The following SH3BGRL2 variants were observed in gnomAD, a reference collection of about 807,000 sequenced individuals.
SH3BGRL2 encodes SH3 domain-binding glutamic acid-rich-like protein 2.
SH3BGRL2 carries 21 observed loss-of-function variants against 14.8 expected under a neutral mutation model. The observed-to-expected ratio is 1.42, with a 90% CI of 1.01 to 2.05. The LOEUF (loss-of-function observed/expected upper bound fraction) is 2.05. SH3BGRL2 is among the 30% of genes most tolerant of loss of function. SH3BGRL2 has a pLI of 0.00. For synonymous variants in SH3BGRL2, 50 were observed against 47.8 expected (o/e 1.05, Z -0.19); for missense variants, 147 against 130.8 (o/e 1.12, Z -0.61).
chr6:79,602,373 CAA>C, the SH3BGRL2 span, among the ~76,000 whole-genome samples: 10 of 152,106 alleles, frequency 6.6e-5, no homozygotes, highest in South Asian at 8.3e-4. Flanking sequence ...ATTCTAAAAA[CAA>C]GAGATAAAAT....
At chr6:79,546,957 G>A in the SH3BGRL2 span, among the ~76,000 whole-genome samples, 1 of 152,188 alleles carries the variant, frequency 6.6e-6, no homozygotes, top group African/African-American at 2.4e-5. Context: ...TGGGACCACA[G>A]GCGTGAGCCA....
chr6:79,600,474 CTG>C, the SH3BGRL2 span, among the ~76,000 whole-genome samples: 1 of 152,136 alleles, frequency 6.6e-6, no homozygotes, highest in East Asian at 1.9e-4. Flanking sequence ...GCATGGGACT[CTG>C]TGTGGTGAAG....
At chr6:79,540,276 T>C in the SH3BGRL2 span, among the ~76,000 whole-genome samples, 3 of 151,592 alleles carry the variant, frequency 2.0e-5, no homozygotes, top group Non-Finnish European at 4.4e-5. Context: ...CTAATAAAAA[T>C]ACAAAAAAAT....
chr6:79,675,434 A>G (rs548434975), intron 2 of SH3BGRL2, among the ~76,000 whole-genome samples: 41 of 152,260 alleles, frequency 2.7e-4, no homozygotes, highest in African/African-American at 9.4e-4. Flanking sequence ...GTGAATTACT[A>G]TGGTATGAGC....
chr6:79,603,914 C>T, the SH3BGRL2 span, among the ~76,000 whole-genome samples: 2 of 152,128 alleles, frequency 1.3e-5, no homozygotes, highest in African/African-American at 2.4e-5. Context: ...AAGCAATTCT[C>T]CTGCCTCACC....
the SH3BGRL2 span, among the ~76,000 whole-genome samples, chr6:79,570,696 G>C: frequency 2.6e-5 from 4 of 152,188 alleles, no homozygotes; most frequent in Non-Finnish European, 5.9e-5. Flanking sequence ...TGAAGGCAAT[G>C]TTCCAAGGCT....
the SH3BGRL2 span, among the ~76,000 whole-genome samples, chr6:79,542,141 A>C: frequency 6.6e-6 from 1 of 152,114 alleles, no homozygotes; most frequent in African/African-American, 2.4e-5. Context: ...GGACCCAGCA[A>C]CTTCTGCTGG....
the SH3BGRL2 span, among the ~76,000 whole-genome samples, chr6:79,624,586 C>T: frequency 6.6e-6 from 1 of 151,818 alleles, no homozygotes; most frequent in South Asian, 2.1e-4. Context: ...TCTAGTATAG[C>T]ATCTGGCAGA....
chr6:79,624,475 A>T, the SH3BGRL2 span, among the ~76,000 whole-genome samples: 5 of 152,218 alleles, frequency 3.3e-5, no homozygotes, highest in South Asian at 4.1e-4. Context: ...TTTAAGCACT[A>T]AGCATACTTG....
chr6:79,594,068 A>T, the SH3BGRL2 span, among the ~76,000 whole-genome samples: 18 of 151,888 alleles, frequency 1.2e-4, no homozygotes, highest in South Asian at 2.1e-4. Context: ...TGGAATTATC[A>T]AATGCAGATG....
the SH3BGRL2 span, among the ~76,000 whole-genome samples, chr6:79,590,424 G>GAGATATATATATATATATAT: frequency 2.1e-4 from 14 of 66,684 alleles, 1 homozygote; most frequent in African/African-American, 9.9e-4. Flanking sequence ...AAGAAAATGT[G>GAGATATATATATATATATAT]ATATATATAT....
chr6:79,679,189 T>G (rs1247826445), intron 2 of SH3BGRL2, among the ~76,000 whole-genome samples: 2 of 152,182 alleles, frequency 1.3e-5, no homozygotes, highest in East Asian at 3.9e-4. Flanking sequence ...CTTTGAGAAA[T>G]CTTCAAACTG....
chr6:79,696,590 G>A, intron 3 of SH3BGRL2, 25 bp downstream of exon 3: 1 of 1,487,826 alleles, frequency 6.7e-7, no homozygotes, highest in Non-Finnish European at 9.1e-7. Flanking sequence ...TCTTATTCTT[G>A]TTTTAGAATT....
chr6:79,592,739 T>C, the SH3BGRL2 span, among the ~76,000 whole-genome samples: 1 of 152,176 alleles, frequency 6.6e-6, no homozygotes, highest in Non-Finnish European at 1.5e-5. Flanking sequence ...AATTTCAAAC[T>C]TAGACTTGAA....
intron 1 of SH3BGRL2, among the ~76,000 whole-genome samples, chr6:79,642,068 A>G (rs1175119539): frequency 2.0e-5 from 3 of 152,206 alleles, no homozygotes; most frequent in South Asian, 2.1e-4. Context: ...TACTATGCAC[A>G]TAGTCACTAT....
the SH3BGRL2 span, among the ~76,000 whole-genome samples, chr6:79,597,334 GAAAAA>G: frequency 3.4e-5 from 5 of 146,032 alleles, no homozygotes; most frequent in African/African-American, 1.0e-4. Context: ...GAAAAGAAAA[GAAAAA>G]AGAAAAGAAA....
the SH3BGRL2 span, among the ~76,000 whole-genome samples, chr6:79,564,188 G>GAA: frequency 0.13 from 19,066 of 144,388 alleles, 1,351 homozygotes; most frequent in African/African-American, 0.17. Context: ...TTGTGTATCT[G>GAA]AAAAAAAAAA....
At chr6:79,696,637 C>T (rs559978160) in intron 3 of SH3BGRL2, 72 bp downstream of exon 3, 701 of 1,157,074 alleles carry the variant, frequency 6.1e-4, no homozygotes, top group Non-Finnish European at 8.0e-4. Context: ...TGTAGAGTGA[C>T]GGTGTTAGAG....
the SH3BGRL2 span, among the ~76,000 whole-genome samples, chr6:79,625,393 C>T: frequency 6.6e-6 from 1 of 152,050 alleles, no homozygotes; most frequent in South Asian, 2.1e-4. Context: ...GATGAAACAA[C>T]ATAAAGCAGT....
Sources: gnomAD v4.1 joint callset for allele counts (sites outside exome capture counted in the v4.1 genomes callset) on GRCh38, gnomAD v4.1.1 for gene constraint, MANE v1.5 for transcripts, NCBI Gene and HGNC (gene_info 2026-07-23, HGNC 2026-07-21) for gene names.